ELP4: variants seen among roughly 807,000 people sequenced by gnomAD.
The protein encoded by ELP4 is elongator acetyltransferase complex subunit 4, also known as elongator complex protein 4.
A neutral mutation model predicts 48.9 loss-of-function variants in ELP4; 51 were observed. The ratio of observed to expected loss-of-function variants is 1.04; its 90% CI spans 0.83 to 1.32. ELP4 has a LOEUF of 1.32. Among genes scored for constraint, ELP4 ranks in the 40% most tolerant of loss-of-function variants. The pLI is 0.00. For missense variants in ELP4, 519 were observed against 514.6 expected (o/e 1.01, Z -0.08); for synonymous variants, 210 against 189.2 (o/e 1.11, Z -0.90).
At chr11:31,576,890 C>T (rs536055239) in intron 3 of ELP4, among the ~76,000 whole-genome samples, 1 of 151,776 alleles carries the variant, frequency 6.6e-6, no homozygotes, top group South Asian at 2.1e-4. Flanking sequence ...AACTAGAGAA[C>T]CAAGAGCAAA....
intron 9 of ELP4, among the ~76,000 whole-genome samples, chr11:31,745,113 C>G (rs1451137657): frequency 6.6e-6 from 1 of 152,120 alleles, no homozygotes; most frequent in Admixed American, 6.5e-5. Context: ...AACAGAGAGC[C>G]AAATCATGAG....
At chr11:31,707,247 G>A (rs939719932) in intron 9 of ELP4, 3 of 360,016 alleles carry the variant, frequency 8.3e-6, no homozygotes, top group Non-Finnish European at 1.5e-5. Flanking sequence ...TTTCATGTAA[G>A]TATATATATG....
At chr11:31,666,580 T>C (rs912418234) in intron 9 of ELP4, among the ~76,000 whole-genome samples, 2 of 150,954 alleles carry the variant, frequency 1.3e-5, no homozygotes, top group African/African-American at 4.9e-5. Context: ...TAGTCCCAGC[T>C]ACTTAGGAGG....
intron 3 of ELP4, among the ~76,000 whole-genome samples, chr11:31,574,156 C>T (rs1461545552): frequency 1.3e-5 from 2 of 152,150 alleles, no homozygotes; most frequent in African/African-American, 4.8e-5. Context: ...AGAAATAATG[C>T]TGAGAATGCT....
At chr11:31,518,294 C>T (rs1286824202) in intron 1 of ELP4, among the ~76,000 whole-genome samples, 4 of 151,556 alleles carry the variant, frequency 2.6e-5, no homozygotes, top group South Asian at 2.1e-4. Context: ...TTAGTAGAGA[C>T]GGCGTTTCAC....
chr11:31,705,953 A>G (rs773625316), intron 9 of ELP4, among the ~76,000 whole-genome samples: 3 of 152,138 alleles, frequency 2.0e-5, no homozygotes, highest in Admixed American at 6.5e-5. Context: ...CCTAGGCTCA[A>G]GTGATCCTCC....
At chr11:31,729,950 T>A (rs181817271) in intron 9 of ELP4, among the ~76,000 whole-genome samples, 14 of 152,328 alleles carry the variant, frequency 9.2e-5, no homozygotes, top group African/African-American at 3.4e-4. Context: ...AGTAGTGACA[T>A]CTGCGAGATT....
intron 9 of ELP4, among the ~76,000 whole-genome samples, chr11:31,743,747 A>G (rs933758407): frequency 3.3e-5 from 5 of 152,176 alleles, no homozygotes; most frequent in Admixed American, 3.3e-4. Context: ...CATTCAAAGC[A>G]GTGTGTAGAG....
At chr11:31,642,082 A>G (rs1241580564) in intron 7 of ELP4, among the ~76,000 whole-genome samples, 1 of 152,020 alleles carries the variant, frequency 6.6e-6, no homozygotes, top group Non-Finnish European at 1.5e-5. Flanking sequence ...TGTATAGTTA[A>G]GAAAAATGCC....
chr11:31,753,649 C>G (rs1280676372), intron 9 of ELP4, among the ~76,000 whole-genome samples: 1 of 152,078 alleles, frequency 6.6e-6, no homozygotes, highest in Admixed American at 6.5e-5. Flanking sequence ...CACTCTAGAA[C>G]AACTTCAGCA....
chr11:31,545,534 A>G (rs1263791677), intron 3 of ELP4, among the ~76,000 whole-genome samples: 2 of 152,166 alleles, frequency 1.3e-5, no homozygotes, highest in African/African-American at 4.8e-5. Flanking sequence ...TGATGGGGAG[A>G]ATGGAACCAA....
intron 9 of ELP4, among the ~76,000 whole-genome samples, chr11:31,741,191 G>T (rs1947438004): frequency 6.6e-6 from 1 of 152,206 alleles, no homozygotes; most frequent in Non-Finnish European, 1.5e-5. Flanking sequence ...GAGGCTAGGG[G>T]AGGGGCGCCC....
At position 31,782,210 on chromosome 11, in the gene ELP4, C is replaced by T. The variant is rs1193169643; in HGVS notation, c.1144-1183C>T. Among the ~76,000 whole-genome samples, 4 of 152,186 alleles carry T rather than the reference C, an allele frequency of 2.6e-5. No homozygotes were observed. The East Asian group carries it at 7.7e-4, about 29-fold the overall frequency. On this transcript the variant is annotated intron_variant, in intron 9 of 9. Coordinates refer to ENST00000640961, the MANE Select transcript of ELP4 (RefSeq NM_019040.5). ...ATCATGTGCACACAGCTTGTGTTTACATGACAATAAAAAGCCTTTATTCAA... is the reference window on the plus strand; with the variant it reads ...ATCATGTGCACACAGCTTGTGTTTATATGACAATAAAAAGCCTTTATTCAA...
chr11:31,698,570 T>A (rs1315137978), intron 9 of ELP4, among the ~76,000 whole-genome samples: 1 of 151,940 alleles, frequency 6.6e-6, no homozygotes. Context: ...GGGCCACCAC[T>A]CCTGGCTAAT....
chr11:31,760,051 G>C (rs1310322364), intron 9 of ELP4, among the ~76,000 whole-genome samples: 1 of 152,114 alleles, frequency 6.6e-6, no homozygotes, highest in Non-Finnish European at 1.5e-5. Context: ...ATCAGCTTCA[G>C]TGCTTTATTA....
In ELP4 at chr11:31,561,306, C is replaced by A. The variant is rs907157333; in HGVS notation, c.381+21523C>A. Among the ~76,000 whole-genome samples, 9 of 152,138 alleles carry A rather than the reference C, an allele frequency of 5.9e-5. No individual in the cohort carries two copies. In the South Asian group the frequency reaches 1.0e-3, roughly 18 times the overall value. ...ATATGAACATTACATCATAAAAGAACCTGCCAAAGGAACACTCAAATTTTT... is the reference window on the plus strand; with the variant it reads ...ATATGAACATTACATCATAAAAGAAACTGCCAAAGGAACACTCAAATTTTT... On this transcript the variant is annotated intron_variant, in intron 3 of 9. Coordinates refer to ENST00000640961, the MANE Select transcript of ELP4 (RefSeq NM_019040.5).
intron 3 of ELP4, among the ~76,000 whole-genome samples, chr11:31,563,411 C>G (rs181068648): frequency 1.1e-4 from 17 of 151,708 alleles, no homozygotes. Context: ...GTGCATCTGC[C>G]AAAACAAAGA....
Position 31,630,788 on chromosome 11 carries a change from AAG to A in ELP4, c.739-1427_739-1426del, listed in dbSNP as rs1341696830. Among the ~76,000 whole-genome samples, 3 of 152,024 alleles carry A rather than the reference AAG, an allele frequency of 2.0e-5. No homozygotes were observed. The East Asian group carries it at 5.8e-4, about 29-fold the overall frequency. ...GACCCTGTCTCTACAAAAACAATAA[AAG>A]AAAAATTAGCTAGATCTGGTGGCAC... is the stretch of plus-strand genomic sequence containing the variant. On this transcript the variant is annotated intron_variant, in intron 6 of 9. Coordinates refer to ENST00000640961, the MANE Select transcript of ELP4 (RefSeq NM_019040.5).
At chr11:31,565,358 G>A (rs1480039489) in intron 3 of ELP4, among the ~76,000 whole-genome samples, 1 of 151,226 alleles carries the variant, frequency 6.6e-6, no homozygotes, top group Admixed American at 6.6e-5. Flanking sequence ...CTTTTGCTGT[G>A]CAGAAGCTCT....
Sources: allele counts gnomAD v4.1 joint callset (sites outside exome capture counted in the v4.1 genomes callset), GRCh38; gene constraint gnomAD v4.1.1; transcripts MANE v1.5; gene names NCBI Gene and HGNC (gene_info 2026-07-23, HGNC 2026-07-21).